Variants in ATR observed in about 807,000 individuals in gnomAD.
ATR encodes the protein serine/threonine-protein kinase ATR.
In ATR, 142 loss-of-function variants were observed where a neutral mutation model predicts 305.3. The observed-to-expected ratio is 0.47, with a 90% CI of 0.41 to 0.53. The LOEUF (loss-of-function observed/expected upper bound fraction) is 0.53, where lower values mean the gene tolerates loss of function less well. Ranked by LOEUF, ATR falls within the 20% of genes least tolerant of loss-of-function variation. The pLI is 0.00. For synonymous variants in ATR, 1,050 were observed against 1,068.1 expected (o/e 0.98, Z 0.33); for missense variants, 2,135 against 3,133.1 (o/e 0.68, Z 7.60).
rs377514660 is a variant in ATR at position 142,578,696 on chromosome 3, T to C, written c.9A>G (p.Glu3=). 6.2e-7 allele frequency: 1 copy of C among 1,613,172 alleles called. No homozygotes were observed. Among genetic ancestry groups the C allele is most frequent in the African/African-American group, 1.3e-5 (1 of 74,856 alleles). MG[E]HGLELASMIP... ...TCATGGAAGCCAGCTCCAGGCCATG[T>C]TCCCCCATGCTGAGGCTGCGAGGCA... The change falls in exon 1 of 47, where the codon GAA becomes GAG. Residue 3 remains glutamate (E), a synonymous_variant. Coordinates refer to ENST00000350721, the MANE Select transcript of ATR (RefSeq NM_001184.4).
In ATR at chr3:142,560,629, C is replaced by G. The variant is rs6766306; in HGVS notation, c.1350-175G>C. 1.8e-3 allele frequency among the ~76,000 whole-genome samples: 279 copies of G among 151,896 alleles called. 2 individuals are homozygous for G. Among genetic ancestry groups the G allele is most frequent in the African/African-American group, 6.5e-3 (270 of 41,400 alleles). On this transcript the variant is annotated intron_variant, in intron 5 of 46. Transcript: ENST00000350721. ...AGGCTGGAGTGCAGTGGCGCCATCTCGGCTCACTGCAAGCTCCGCCTCCCG... is the reference window on the plus strand; with the variant it reads ...AGGCTGGAGTGCAGTGGCGCCATCTGGGCTCACTGCAAGCTCCGCCTCCCG...
Position 142,556,720 on chromosome 3 carries a change from A to G in ATR, c.1886-145T>C, listed in dbSNP as rs964631779. On this transcript the variant is annotated intron_variant, in intron 8 of 46. Transcript: ENST00000350721. ...AACACTTAAAATACATTTAATACCTAATTTAATTAAAAGCTCCTTTTCAGA... is the reference window on the plus strand; with the variant it reads ...AACACTTAAAATACATTTAATACCTGATTTAATTAAAAGCTCCTTTTCAGA... The G allele has an allele frequency of 3.1e-5, 24 of 783,172 alleles. No individual in the cohort carries two copies. The African/African-American group carries it at 3.9e-4, about 13-fold the overall frequency. The allele number at this position is 783,172 out of a possible 1,614,324, so 48.5% of individuals were successfully genotyped here.
At chr3:142,538,726 A>AT in intron 18 of ATR, 101 bp from the exon 19 acceptor site, 1 of 1,428,330 alleles carries the variant, frequency 7.0e-7, no homozygotes, top group East Asian at 2.4e-5. Context: ...TATACAAACA[A>AT]TAGATTAAAA....
At chr3:142,507,019 G>T (rs1460658757) in intron 28 of ATR, among the ~76,000 whole-genome samples, 1 of 152,152 alleles carries the variant, frequency 6.6e-6, no homozygotes, top group East Asian at 1.9e-4. Context: ...CAACACAGTG[G>T]GAAAAAGACA....
chr3:142,532,956 T>C (rs1386269053), intron 21 of ATR, among the ~76,000 whole-genome samples: 1 of 152,174 alleles, frequency 6.6e-6, no homozygotes, highest in African/African-American at 2.4e-5. Flanking sequence ...AACCAACTTG[T>C]AGAGCTGCAC....
Position 142,512,340 on chromosome 3 carries a change from C to A in ATR, c.4772G>T (p.Trp1591Leu), listed in dbSNP as rs2108371609. ...VFSMLDHLTQ[W>L]ARHKFQALKA... The stretch of plus-strand genomic sequence containing the variant: ...CAGTGCCTGAAATTTGTGCCTTGCC[C>A]ACTGTGTGAGATGGTCAAGCATGGA... The change falls in exon 27 of 47, where the codon TGG (tryptophan) becomes TTG (leucine). Residue 1591 changes from tryptophan to leucine, a missense_variant. Physicochemically the swap from Trp to Leu is moderately conservative, Grantham distance 61. Coordinates refer to ENST00000350721, the MANE Select transcript of ATR (RefSeq NM_001184.4). The A allele has an allele frequency of 1.9e-6, 3 of 1,613,866 alleles. No individual in the cohort carries two copies. Among genetic ancestry groups the A allele is most frequent in the Non-Finnish European group, 2.5e-6 (3 of 1,179,988 alleles).
intron 8 of ATR, among the ~76,000 whole-genome samples, chr3:142,557,549 T>G (rs906176639): frequency 6.6e-6 from 1 of 152,110 alleles, no homozygotes; most frequent in Non-Finnish European, 1.5e-5. Context: ...ACATATATAG[T>G]AAAAGTAATA....
chr3:142,540,100 T>C (rs911691921), intron 18 of ATR, among the ~76,000 whole-genome samples: 2 of 152,174 alleles, frequency 1.3e-5, no homozygotes, highest in African/African-American at 4.8e-5. Flanking sequence ...CAAGCATCTA[T>C]ATCTAAGTAC....
intron 36 of ATR, among the ~76,000 whole-genome samples, chr3:142,476,517 T>A (rs1396282016): frequency 6.6e-6 from 1 of 152,202 alleles, no homozygotes; most frequent in Non-Finnish European, 1.5e-5. Flanking sequence ...TAGCTTGAAG[T>A]CAGGTAGCGT....
chr3:142,479,627 G>A (rs1332213395), intron 36 of ATR, among the ~76,000 whole-genome samples: 1 of 152,130 alleles, frequency 6.6e-6, no homozygotes, highest in African/African-American at 2.4e-5. Flanking sequence ...GAATTTGAAT[G>A]TTGGCCTGCC....
At chr3:142,544,170 T>C (rs1371851703) in intron 16 of ATR, among the ~76,000 whole-genome samples, 1 of 152,002 alleles carries the variant, frequency 6.6e-6, no homozygotes, top group Admixed American at 6.6e-5. Context: ...TAAGATACCA[T>C]TTATTGGCTA....
At chr3:142,478,002 A>C in intron 36 of ATR, among the ~76,000 whole-genome samples, 1 of 152,152 alleles carries the variant, frequency 6.6e-6, no homozygotes, top group South Asian at 2.1e-4. Context: ...TAGTCTAGCT[A>C]GCAGTCTATC....
chr3:142,566,613 C>T (rs113060451), intron 2 of ATR, among the ~76,000 whole-genome samples: 2,615 of 124,308 alleles, frequency 0.021, 29 homozygotes, highest in South Asian at 0.05. Flanking sequence ...CAAAGCAAGA[C>T]TCTGTCTCTT....
chr3:142,559,471 T>C (rs770001396), intron 6 of ATR, 30 bp from the exon 7 acceptor site: 19 of 1,599,568 alleles, frequency 1.2e-5, no homozygotes, highest in Non-Finnish European at 1.6e-5. Flanking sequence ...TTAAAAACAT[T>C]GGAATTAAGA....
At chr3:142,521,982 A>G (rs11708470) in intron 23 of ATR, among the ~76,000 whole-genome samples, 51,953 of 152,130 alleles carry the variant, frequency 0.34, 9,405 homozygotes, top group Middle Eastern at 0.44. Context: ...ATCAAACAGC[A>G]TCACAGGCTA....
At chr3:142,508,621 A>G (rs900145314) in intron 27 of ATR, among the ~76,000 whole-genome samples, 2 of 152,156 alleles carry the variant, frequency 1.3e-5, no homozygotes, top group African/African-American at 4.8e-5. Context: ...ATCACCTATT[A>G]CAATAGAAAT....
rs928417003 is a variant in ATR, at chr3:142,457,755, C to A, written c.7504G>T (p.Gly2502Ter). Residue 2502 changes from glycine (G) to a stop codon, truncating the protein, a stop_gained and splice_region_variant, in exon 45 of 47, where the codon GGA (glycine) becomes TGA (stop). Transcript: ENST00000350721. LOFTEE classifies it high-confidence loss of function. ...HVDFNCLFNKGETFEVPEIVP... is the reference protein window; with the variant it reads ...HVDFNCLFNK ...ATTTCTGGAACTTCAAAGGTTTCTC[C>A]CTTAGAAACAATACATTTTATTACA... 6.2e-7 allele frequency: 1 copy of A among 1,613,376 alleles called. No individual in the cohort carries two copies. The highest frequency in any genetic ancestry group is 8.5e-7 in the Non-Finnish European group (1 of 1,179,486).
chr3:142,510,319 A>G (rs776026241), intron 27 of ATR, among the ~76,000 whole-genome samples: 1 of 151,844 alleles, frequency 6.6e-6, no homozygotes, highest in Admixed American at 6.6e-5. Flanking sequence ...AACATGGTGA[A>G]GCCCCGTCTC....
intron 36 of ATR, among the ~76,000 whole-genome samples, chr3:142,477,578 C>T (rs1483613135): frequency 2.0e-5 from 3 of 152,144 alleles, no homozygotes; most frequent in Non-Finnish European, 4.4e-5. Context: ...CTCTGCCAGG[C>T]TTTGGTATCA....
Sources: gnomAD v4.1 joint callset for allele counts (sites outside exome capture counted in the v4.1 genomes callset) on GRCh38, gnomAD v4.1.1 for gene constraint, MANE v1.5 for transcripts, NCBI Gene and HGNC (gene_info 2026-07-23, HGNC 2026-07-21) for gene names.